ENOX1: variants seen among roughly 807,000 people sequenced by gnomAD.
The protein encoded by ENOX1 is candidate growth-related and time keeping constitutive hydroquinone (NADH) oxidase.
A neutral mutation model predicts 82.5 loss-of-function variants in ENOX1; 42 were observed. The observed-to-expected ratio is 0.51, with a 90% confidence interval of 0.40 to 0.66. ENOX1 has a LOEUF of 0.66. Ranked by LOEUF, ENOX1 falls within the 30% of genes least tolerant of loss-of-function variation. The pLI, the probability that ENOX1 is intolerant of heterozygous loss-of-function variation, is 0.00. For missense variants in ENOX1, 608 were observed against 811.6 expected (o/e 0.75, Z 3.05); for synonymous variants, 271 against 282.2 (o/e 0.96, Z 0.40).
rs145337483 is a variant in ENOX1, at chr13:43,262,791, T to C, written c.1611+2607A>G. ...CACACCCAGCCTATATTAAATACTA[T>C]TGATGCATGAAGAGAGAATTAATAC... On this transcript the variant is annotated intron_variant, in intron 14 of 16. Coordinates refer to ENST00000690772, the MANE Select transcript of ENOX1 (RefSeq NM_001347969.2). Among the ~76,000 whole-genome samples, 594 of 152,314 alleles carry C rather than the reference T, an allele frequency of 3.9e-3. 4 individuals are homozygous for C. Among genetic ancestry groups the C allele is most frequent in the Non-Finnish European group, 6.8e-3 (464 of 68,026 alleles).
At chr13:43,348,620 C>T (rs533950013) in intron 8 of ENOX1, among the ~76,000 whole-genome samples, 3 of 152,326 alleles carry the variant, frequency 2.0e-5, no homozygotes, top group African/African-American at 7.2e-5. Context: ...CTGACCTGAC[C>T]GGGATATGAA....
rs76482098 is a variant in ENOX1 at position 43,589,810 on chromosome 13, G to C, written c.-219+77669C>G. Reference sequence around the variant, plus strand: ...GGCATGAGCCACCATGCCTGGCCCAGGCCAAATAATTAAATAAAAGCTGCC... The same window carrying C: ...GGCATGAGCCACCATGCCTGGCCCACGCCAAATAATTAAATAAAAGCTGCC... On this transcript the variant is annotated intron_variant, in intron 2 of 16. Coordinates refer to ENST00000690772, the MANE Select transcript of ENOX1 (RefSeq NM_001347969.2). Among the ~76,000 whole-genome samples, 900 of 151,258 alleles carry C rather than the reference G, an allele frequency of 6.0e-3. 7 individuals carry two copies. Among genetic ancestry groups the C allele is most frequent in the African/African-American group, 0.021 (871 of 41,090 alleles).
chr13:43,326,280 C>T lies in ENOX1; in HGVS notation c.1143+139G>A, dbSNP rs551664060. 7 of 696,296 alleles carry T rather than the reference C, an allele frequency of 1.0e-5. No homozygotes were observed. The East Asian group carries it at 1.9e-4, about 19-fold the overall frequency. 43.1% of individuals were successfully genotyped at this position (696,296 alleles called of 1,614,324 possible). A position where few individuals can be genotyped will look rare whatever the true frequency, so the allele number is the denominator to read the frequency against. On this transcript the variant is annotated intron_variant, in intron 10 of 16. Transcript: ENST00000690772. ...CTGGACAAGGAACAAATCTCAGCTG[C>T]ATTTGGAGCTGACAGTGAGATCAGA... is the stretch of plus-strand genomic sequence containing the variant.
chr13:43,579,945 G>C (rs1474156762), intron 2 of ENOX1, among the ~76,000 whole-genome samples: 1 of 152,176 alleles, frequency 6.6e-6, no homozygotes, highest in Non-Finnish European at 1.5e-5. Context: ...TGTTCTTCCA[G>C]ATGCCCACCA....
rs139113365 is a variant in ENOX1 at position 43,288,118 on chromosome 13, C to T, written c.1446+10228G>A. ...AATGCACCATCCCAATATTCTTGGC[C>T]GAGGAATGGATAAAAAATGAAATTA... On this transcript the variant is annotated intron_variant, in intron 12 of 16. Coordinates refer to ENST00000690772, the MANE Select transcript of ENOX1 (RefSeq NM_001347969.2). 3.1e-3 allele frequency among the ~76,000 whole-genome samples: 465 copies of T among 151,926 alleles called. 12 individuals carry two copies. Among genetic ancestry groups the T allele is most frequent in the Admixed American group, 0.027 (407 of 15,250 alleles).
intron 3 of ENOX1, among the ~76,000 whole-genome samples, chr13:43,470,372 A>ATG (rs1566307987): frequency 6.7e-5 from 2 of 29,756 alleles, no homozygotes; most frequent in African/African-American, 1.6e-4. Flanking sequence ...ATACGTATAT[A>ATG]TATACATATA....
At chr13:43,714,286 T>C (rs965794114) in intron 1 of ENOX1, among the ~76,000 whole-genome samples, 3 of 152,202 alleles carry the variant, frequency 2.0e-5, no homozygotes, top group African/African-American at 7.2e-5. Context: ...AGATAGTTTG[T>C]TATAATTTCT....
At chr13:43,308,607 A>G (rs374013910) in intron 11 of ENOX1, among the ~76,000 whole-genome samples, 2 of 152,236 alleles carry the variant, frequency 1.3e-5, no homozygotes, top group Non-Finnish European at 2.9e-5. Flanking sequence ...GTTAAGCACT[A>G]TATGACAGCC....
intron 2 of ENOX1, chr13:43,547,607 T>A (rs1292014136): frequency 6.6e-6 from 1 of 152,346 alleles, no homozygotes; most frequent in South Asian, 2.1e-4. Context: ...TTTATTGTTG[T>A]AGGTCTAAAG....
At chr13:43,753,663 C>A (rs4143229) in intron 1 of ENOX1, among the ~76,000 whole-genome samples, 121,647 of 152,074 alleles carry the variant, frequency 0.8, 50,498 homozygotes, top group South Asian at 0.93. Context: ...AGAGCTATAT[C>A]CTCAGCATTT....
chr13:43,562,160 T>C (rs9316037), intron 2 of ENOX1, among the ~76,000 whole-genome samples: 147,893 of 152,162 alleles, frequency 0.97, 72,013 homozygotes, highest in East Asian at 1. Context: ...AAAATAATAG[T>C]TATAACAACT....
chr13:43,739,338 A>C (rs1362743455), intron 1 of ENOX1, among the ~76,000 whole-genome samples: 1 of 152,138 alleles, frequency 6.6e-6, no homozygotes, highest in Non-Finnish European at 1.5e-5. Flanking sequence ...GCTTGAGTCC[A>C]GGAGTTCAAG....
At chr13:43,619,294 A>G (rs931735891) in intron 2 of ENOX1, among the ~76,000 whole-genome samples, 1 of 152,010 alleles carries the variant, frequency 6.6e-6, no homozygotes, top group Non-Finnish European at 1.5e-5. Flanking sequence ...TGGTGGTGAG[A>G]GTGGGCATCC....
intron 16 of ENOX1, among the ~76,000 whole-genome samples, chr13:43,222,879 A>G (rs773906935): frequency 2.6e-5 from 4 of 152,214 alleles, no homozygotes; most frequent in Non-Finnish European, 5.9e-5. Flanking sequence ...AGGGGAAACC[A>G]CAATGAAAAA....
At chr13:43,710,506 T>C (rs376949858) in intron 1 of ENOX1, among the ~76,000 whole-genome samples, 15 of 152,150 alleles carry the variant, frequency 9.9e-5, no homozygotes, top group African/African-American at 3.1e-4. Context: ...ACTCAATTAA[T>C]TGAAAAACTT....
chr13:43,594,753 C>T (rs2081389541), intron 2 of ENOX1, among the ~76,000 whole-genome samples: 1 of 152,154 alleles, frequency 6.6e-6, no homozygotes, highest in Admixed American at 6.5e-5. Flanking sequence ...AAACCCAGGC[C>T]TAACTCCAAA....
chr13:43,350,537 C>T (rs2049706758), intron 8 of ENOX1, among the ~76,000 whole-genome samples: 1 of 152,214 alleles, frequency 6.6e-6, no homozygotes, highest in Non-Finnish European at 1.5e-5. Context: ...CCTCCACCTC[C>T]TGGGTTCAAG....
At chr13:43,575,130 T>C (rs1231759015) in intron 2 of ENOX1, among the ~76,000 whole-genome samples, 1 of 152,144 alleles carries the variant, frequency 6.6e-6, no homozygotes, top group Non-Finnish European at 1.5e-5. Context: ...CAGCATGGAG[T>C]GAATCGCTTG....
chr13:43,541,171 C>CTTT (rs1555317884), intron 2 of ENOX1, among the ~76,000 whole-genome samples: 1 of 38,734 alleles, frequency 2.6e-5, no homozygotes, highest in African/African-American at 6.4e-5. Flanking sequence ...CTTCTTCCCT[C>CTTT]TGTTTTTTTT....
Sources: gnomAD v4.1 joint callset for allele counts (sites outside exome capture counted in the v4.1 genomes callset) on GRCh38, gnomAD v4.1.1 for gene constraint, MANE v1.5 for transcripts, NCBI Gene and HGNC (gene_info 2026-07-23, HGNC 2026-07-21) for gene names.